Variants in COL6A3 observed in about 807,000 individuals in gnomAD.
The protein encoded by COL6A3 is collagen alpha-3(VI) chain.
Under a neutral mutation model 274.1 loss-of-function variants are expected in COL6A3, and 137 were observed. That is an observed-to-expected ratio of 0.50 (90% CI 0.44 to 0.58). The LOEUF (loss-of-function observed/expected upper bound fraction) is 0.58, where lower values mean the gene tolerates loss of function less well. Among genes scored for constraint, COL6A3 ranks in the 20% least tolerant of loss-of-function variants. The pLI is 0.00. For missense variants in COL6A3, 3,950 were observed against 4,124.9 expected, an observed-to-expected ratio of 0.96 and a Z score of 1.16; for synonymous variants, 1,650 against 1,650.6, an observed-to-expected ratio of 1.00 and a Z score of 0.01.
chr2:237,348,568 C>A, intron 29 of COL6A3, 45 bp downstream of exon 29: 1 of 1,593,378 alleles, frequency 6.3e-7, no homozygotes, highest in Non-Finnish European at 8.6e-7. Context: ...TCCTTGGAGC[C>A]TCCTGGCAGC....
At position 237,379,249 on chromosome 2, in the gene COL6A3, C is replaced by A. The variant is rs1336210793; in HGVS notation, c.1898-14G>T. 1 of 1,613,468 alleles carries A rather than the reference C, an allele frequency of 6.2e-7. No homozygotes were observed. The highest frequency in any genetic ancestry group is 8.5e-7 in the Non-Finnish European group (1 of 1,179,806). On this transcript the variant is annotated splice_polypyrimidine_tract_variant and intron_variant, in intron 5 of 43. Coordinates refer to ENST00000295550, the MANE Select transcript of COL6A3 (RefSeq NM_004369.4). ...TGTTTGAGTGAACTGCAGTGAAGCA[C>A]AGAAAAAAAAGTGAGACATACACAA...
At chr2:237,333,964 A>G (rs1242398776) in intron 41 of COL6A3, among the ~76,000 whole-genome samples, 1 of 152,126 alleles carries the variant, frequency 6.6e-6, no homozygotes, top group Non-Finnish European at 1.5e-5. Flanking sequence ...CCTTCCCTTC[A>G]CATTCCTGGA....
intron 10 of COL6A3, 99 bp from the exon 11 acceptor site, chr2:237,367,385 C>T (rs757614558): frequency 1.7e-5 from 24 of 1,403,104 alleles, no homozygotes; most frequent in Non-Finnish European, 2.1e-5. Flanking sequence ...TAAGACATTC[C>T]TAATAATTTA....
chr2:237,343,944 C>A, intron 36 of COL6A3: 1 of 320,858 alleles, frequency 3.1e-6, no homozygotes, highest in East Asian at 7.8e-5. Flanking sequence ...GAAGCAAATG[C>A]CCAGTACACA....
intron 23 of COL6A3, among the ~76,000 whole-genome samples, chr2:237,356,259 G>A (rs947231664): frequency 6.6e-6 from 1 of 152,198 alleles, no homozygotes; most frequent in African/African-American, 2.4e-5. Context: ...CATTTGATGA[G>A]TATTTCTTCT....
chr2:237,395,044 G>A lies in COL6A3; in HGVS notation c.252C>T (p.Asn84=), dbSNP rs765786832. 58 of 1,613,966 alleles carry A rather than the reference G, an allele frequency of 3.6e-5. No homozygotes were observed. Among genetic ancestry groups the A allele is most frequent in the East Asian group, 2.0e-4 (9 of 44,880 alleles). ...NDFHFALVQF[N]GNPHTEFLLN... ...ACAGGAACTCGGTATGTGGGTTTCC[G>A]TTGAACTGGACCAGAGCAAAATGGA... Residue 84 remains asparagine, a synonymous_variant, in exon 3 of 44, where the codon AAC becomes AAT. Coordinates refer to ENST00000295550, the MANE Select transcript of COL6A3 (RefSeq NM_004369.4).
chr2:237,357,051 T>G, intron 23 of COL6A3: 1 of 514,228 alleles, frequency 1.9e-6, no homozygotes, highest in Non-Finnish European at 3.5e-6. Context: ...CTCTTAAATA[T>G]TTAGTTGGAT....
Position 237,333,537 on chromosome 2 carries a change from G to A in COL6A3, c.9241C>T (p.Pro3081Ser), listed in dbSNP as rs1700374826. 1.2e-6 allele frequency: 2 copies of A among 1,614,134 alleles called. No individual in the cohort carries two copies. The highest frequency in any genetic ancestry group is 1.7e-6 in the Non-Finnish European group (2 of 1,179,974). Residue 3081 changes from proline (P) to serine (S), a missense_variant, in exon 42 of 44, where the codon CCC becomes TCC. This residue lies in a region of COL6A3 where 1,284 missense variants were observed against 1,349.7 expected (regional missense o/e 0.95). Transcript: ENST00000295550. ...HGSFSTKKSQ[P>S]PPPQPARSAS... ...GACCTTGCTGGCTGTGGAGGTGGGGGCTGAGATTTCTCTATAAAAGAAAAA... is the reference window on the plus strand; with the variant it reads ...GACCTTGCTGGCTGTGGAGGTGGGGACTGAGATTTCTCTATAAAAGAAAAA...
rs535498742 is a variant in COL6A3 at position 237,387,799 on chromosome 2, C to G, written c.1095G>C (p.Gly365=). 2.4e-5 allele frequency: 38 copies of G among 1,614,012 alleles called. No individual in the cohort carries two copies. The highest frequency in any genetic ancestry group is 2.1e-5 in the Non-Finnish European group (25 of 1,180,032). The change falls in exon 4 of 44, where the codon GGG becomes GGC. Residue 365 remains glycine (G), a synonymous_variant. Transcript: ENST00000295550. The part of the protein sequence containing the change: ...AGPSSDEIRY[G]VVALKQASVF... ...CGCTAGCCTGCTTCAGTGCTACCAC[C>G]CCGTAGCGAATCTCGTCACTAGAAG...
chr2:237,377,044 C>T lies in COL6A3; in HGVS notation c.2798G>A (p.Gly933Asp). ...AAGCACTCCATCCTCGATCCGGCTG[C>T]CAGCAGACTTCACAAAAATGTACCT... The part of the protein sequence containing the change: ...AQRYIFVKSA[G>D]SRIEDGVLQF... Residue 933 changes from glycine to aspartate, a missense_variant, in exon 7 of 44, where the codon GGC becomes GAC. Physicochemically the swap from Gly to Asp is moderately conservative, Grantham distance 94 (BLOSUM62 -1). Transcript: ENST00000295550. 1 of 1,614,192 alleles carries T rather than the reference C, an allele frequency of 6.2e-7. No homozygotes were observed. Among genetic ancestry groups the T allele is most frequent in the African/African-American group, 1.3e-5 (1 of 75,036 alleles).
chr2:237,368,689 G>T lies in COL6A3; in HGVS notation c.4774C>A (p.Leu1592Met), dbSNP rs1211026126. ...CTGAACTCTCGCACTGTGAAGACCA[G>T]TCTGGGGTCATTGGTGATGGTCTGC... ...ELQTITNDPR[L>M]VFTVREFREL... is the part of the protein sequence containing the mutation. Residue 1592 changes from leucine (L) to methionine (M), a missense_variant, in exon 10 of 44, where the codon CTG becomes ATG. This residue lies in a region of COL6A3 where 632 missense variants were observed against 623.4 expected (regional missense o/e 1.01). Coordinates refer to ENST00000295550, the MANE Select transcript of COL6A3 (RefSeq NM_004369.4). This position sits in a 1 kb window ranked among gnomAD's most constrained non-coding sequence, Gnocchi z 4.4. The T allele has an allele frequency of 1.2e-6, 2 of 1,614,136 alleles. No individual in the cohort carries two copies. Among genetic ancestry groups the T allele is most frequent in the Admixed American group, 3.3e-5 (2 of 60,026 alleles).
rs535306425 is a variant in COL6A3 at position 237,341,083 on chromosome 2, C to A, written c.7833G>T (p.Ala2611=). The change falls in exon 38 of 44, where the codon GCG becomes GCT. Residue 2611 remains alanine (A), a synonymous_variant. Transcript: ENST00000295550. The stretch of plus-strand genomic sequence containing the variant: ...TGTCGATGTCCACATCGCTCCCTGC[C>A]GCTCTCCTGTCCCTGAAGGAAGGCC... The part of the protein sequence containing the change: ...SWRPSFRDRR[A]AGSDVDIDMA... 2 of 1,614,188 alleles carry A rather than the reference C, an allele frequency of 1.2e-6. No individual in the cohort carries two copies. The highest frequency in any genetic ancestry group is 1.7e-4 in the Middle Eastern group (1 of 6,060).
chr2:237,378,578 C>A, intron 6 of COL6A3, 58 bp downstream of exon 6: 1 of 1,611,540 alleles, frequency 6.2e-7, no homozygotes, highest in Non-Finnish European at 8.5e-7. Flanking sequence ...TGGCAAACTA[C>A]CCTCCAGGGT....
intron 7 of COL6A3, 41 bp downstream of exon 7, chr2:237,376,731 G>A (rs759322539): frequency 6.3e-7 from 1 of 1,599,252 alleles, no homozygotes; most frequent in Non-Finnish European, 8.6e-7. Flanking sequence ...TCATGCATTA[G>A]AGAACTGAGT....
chr2:237,350,546 A>G (rs1340734746), intron 27 of COL6A3, among the ~76,000 whole-genome samples: 1 of 152,234 alleles, frequency 6.6e-6, no homozygotes, highest in East Asian at 1.9e-4. Context: ...GTGGATTCAC[A>G]GGAACTCATT....
Position 237,325,596 on chromosome 2 carries a change from C to G in COL6A3, c.9457G>C (p.Gly3153Arg), listed in dbSNP as rs769392747. The G allele has an allele frequency of 1.9e-6, 3 of 1,614,018 alleles. No individual in the cohort carries two copies. The highest frequency in any genetic ancestry group is 1.3e-5 in the African/African-American group (1 of 74,902). ...ACCTTTTCACATTCTTTCTGTGATC[C>G]AAATTTGTTTTCGTTTCCACCACAA... ...GGCGGNENKF[G>R]SQKECEKVCA... Residue 3153 changes from glycine to arginine, a missense_variant, in exon 43 of 44, where the codon GGA (glycine) becomes CGA (arginine). By Grantham distance (125) the Gly-to-Arg change is moderately radical. This residue lies in a region of COL6A3 where 1,284 missense variants were observed against 1,349.7 expected (regional missense o/e 0.95). Coordinates refer to ENST00000295550, the MANE Select transcript of COL6A3 (RefSeq NM_004369.4).
In COL6A3 at chr2:237,341,122, T is replaced by A. The variant is rs750819402; in HGVS notation, c.7794A>T (p.Gly2598=). Residue 2598 remains glycine (G), a synonymous_variant, in exon 38 of 44, where the codon GGA becomes GGT. Transcript: ENST00000295550. ...TGAAGGAAGGCCTCCAACTGCCAAA[T>A]CCACAGGATGGGTCGATGTTGCAGA... is the stretch of plus-strand genomic sequence containing the variant. ...LDICNIDPSC[G]FGSWRPSFRD... The A allele has an allele frequency of 1.2e-6, 2 of 1,614,178 alleles. No homozygotes were observed. The highest frequency in any genetic ancestry group is 1.7e-6 in the Non-Finnish European group (2 of 1,180,022).
intron 4 of COL6A3, among the ~76,000 whole-genome samples, chr2:237,387,245 C>T (rs1258741428): frequency 3.3e-5 from 5 of 152,164 alleles, no homozygotes; most frequent in South Asian, 2.1e-4. Flanking sequence ...TAATGAGCCC[C>T]TCAAGCCCAT....
At position 237,336,375 on chromosome 2, in the gene COL6A3, C is replaced by A. The variant is rs201917052; in HGVS notation, c.8725G>T (p.Ala2909Ser). ...GGTTTCGCAGGGGCCGGCTTTGCAG[C>A]GGCTGGCTTCACAGATGGCTGATTT... ...IINQPSVKPA[A>S]AKPAPAKPVA... Residue 2909 changes from alanine (A) to serine (S), a missense_variant, in exon 40 of 44, where the codon GCT becomes TCT. By Grantham distance (99) the Ala-to-Ser change is moderately conservative. This residue lies in a region of COL6A3 where 1,284 missense variants were observed against 1,349.7 expected (regional missense o/e 0.95). Coordinates refer to ENST00000295550, the MANE Select transcript of COL6A3 (RefSeq NM_004369.4). 6.2e-7 allele frequency: 1 copy of A among 1,614,190 alleles called. No homozygotes were observed. The highest frequency in any genetic ancestry group is 8.5e-7 in the Non-Finnish European group (1 of 1,180,038).
Sources: allele counts gnomAD v4.1 joint callset (sites outside exome capture counted in the v4.1 genomes callset), GRCh38; gene constraint gnomAD v4.1.1; regional missense constraint gnomAD v4.1.1; non-coding constraint Gnocchi (gnomAD v3.1); transcripts MANE v1.5; gene names NCBI Gene and HGNC (gene_info 2026-07-23, HGNC 2026-07-21).